Variants in USO1 observed in about 807,000 individuals in gnomAD.
USO1 encodes general vesicular transport factor p115.
A neutral mutation model predicts 124.5 loss-of-function variants in USO1; 57 were observed. The ratio of observed to expected loss-of-function variants is 0.46; its 90% CI spans 0.37 to 0.57. The LOEUF is 0.57. USO1 is among the 20% of genes least tolerant of loss of function. The pLI is 0.00. For synonymous variants in USO1, 369 were observed against 362.8 expected (o/e 1.02, Z -0.19); for missense variants, 900 against 1,040.6 (o/e 0.86, Z 1.86).
chr4:75,801,090 A>G lies in USO1; in HGVS notation c.1876A>G (p.Lys626Glu). The change falls in exon 17 of 24, where the codon AAG becomes GAG. Residue 626 changes from lysine (K) to glutamate (E), a missense_variant. Lys to Glu is a moderately conservative substitution (Grantham distance 56). This residue lies in a region of USO1 where 538 missense variants were observed against 681.6 expected (regional missense o/e 0.79). Transcript: ENST00000514213. ...GCTTCCTTTTATAGGTGTTATAACT[A>G]AGGCTATTTATAAGTCCAGTGAAGA... ...LVKELEGVIT[K>E]AIYKSSEEDK... is the part of the protein sequence containing the mutation. 1 of 1,572,694 alleles carries G rather than the reference A, an allele frequency of 6.4e-7. No individual in the cohort carries two copies.
intron 1 of USO1, among the ~76,000 whole-genome samples, chr4:75,728,598 G>T (rs1209792010): frequency 6.6e-6 from 1 of 152,264 alleles, no homozygotes; most frequent in African/African-American, 2.4e-5. Context: ...ACCACTGAGT[G>T]GTTAAGATTG....
At chr4:75,740,577 G>A (rs921154578) in intron 1 of USO1, among the ~76,000 whole-genome samples, 9 of 152,188 alleles carry the variant, frequency 5.9e-5, no homozygotes, top group Non-Finnish European at 1.3e-4. Flanking sequence ...ATGAGCTACT[G>A]CGCCTGGCCT....
At chr4:75,805,067 T>G in intron 18 of USO1, 73 bp from the exon 19 acceptor site, 1 of 1,471,842 alleles carries the variant, frequency 6.8e-7, no homozygotes. Context: ...AATTACATAT[T>G]TGAATCTTCT....
intron 1 of USO1, among the ~76,000 whole-genome samples, chr4:75,728,892 G>A (rs912805941): frequency 7.9e-5 from 12 of 151,688 alleles, no homozygotes; most frequent in Admixed American, 3.3e-4. Context: ...TCCCCCTCCC[G>A]GGTTCACGCC....
At chr4:75,730,453 CTT>C (rs1015669405) in intron 1 of USO1, among the ~76,000 whole-genome samples, 1 of 151,012 alleles carries the variant, frequency 6.6e-6, no homozygotes, top group African/African-American at 2.4e-5. Context: ...CTGACCAGAC[CTT>C]TTTTTTTCCT....
rs759237623 is a variant in USO1, at chr4:75,734,166, G to C, written c.66+9281G>C. Reference sequence around the variant, plus strand: ...TCACCATGTTGGCCAGGATGGTCTCGATCTCCTGACCTCGTGATCCTCCCA... The same window carrying C: ...TCACCATGTTGGCCAGGATGGTCTCCATCTCCTGACCTCGTGATCCTCCCA... On this transcript the variant is annotated intron_variant, in intron 1 of 23. Transcript: ENST00000514213. Among the ~76,000 whole-genome samples the C allele has an allele frequency of 5.9e-5, 9 of 152,068 alleles. No homozygotes were observed. The South Asian group carries it at 1.0e-3, about 18-fold the overall frequency.
chr4:75,751,550 G>A (rs1381597556), intron 1 of USO1, among the ~76,000 whole-genome samples: 2 of 147,784 alleles, frequency 1.4e-5, no homozygotes, highest in African/African-American at 4.9e-5. Flanking sequence ...TTTGGTTTTG[G>A]CCGGGCGCAG....
chr4:75,758,223 T>C (rs951012538), intron 4 of USO1, among the ~76,000 whole-genome samples: 2 of 152,226 alleles, frequency 1.3e-5, no homozygotes, highest in Non-Finnish European at 2.9e-5. Context: ...TTTTGTTCTA[T>C]ATGTTGCAAA....
intron 1 of USO1, chr4:75,744,958 A>G (rs937122481): frequency 2.0e-6 from 1 of 494,548 alleles, no homozygotes; most frequent in South Asian, 1.5e-5. Flanking sequence ...TGACTGTTCC[A>G]GATGTCTTAT....
chr4:75,814,250 G>A lies in USO1; in HGVS notation c.*955G>A, dbSNP rs1330799144. The A allele has an allele frequency of 6.6e-6, 1 of 152,122 alleles. No homozygotes were observed. The highest frequency in any genetic ancestry group is 1.5e-5 in the Non-Finnish European group (1 of 68,002). 9.4% of individuals were successfully genotyped at this position (152,122 alleles called of 1,614,324 possible). ...GGTTCCCTTTGTTTACATCTTAAAA[G>A]TATTTTATTCTTAATAAAAGATGAG... On this transcript the variant is annotated 3_prime_UTR_variant, in exon 24 of 24. Transcript: ENST00000514213.
chr4:75,774,093 C>G (rs1225839579), intron 7 of USO1, among the ~76,000 whole-genome samples: 2 of 152,012 alleles, frequency 1.3e-5, no homozygotes, highest in Non-Finnish European at 2.9e-5. Flanking sequence ...CTGAGAAAAA[C>G]TGGAAGTCAG....
At chr4:75,771,243 G>T in intron 7 of USO1, 106 bp downstream of exon 7, 1 of 1,277,666 alleles carries the variant, frequency 7.8e-7, no homozygotes, top group East Asian at 2.6e-5. Context: ...GAAAGCTGGA[G>T]TAATGACCTT....
chr4:75,774,064 G>A (rs1383862233), intron 7 of USO1, among the ~76,000 whole-genome samples: 1 of 152,120 alleles, frequency 6.6e-6, no homozygotes, highest in East Asian at 1.9e-4. Context: ...TATATAAACT[G>A]TATCCAGCTT....
chr4:75,798,914 G>A (rs1722765101), intron 13 of USO1, among the ~76,000 whole-genome samples: 1 of 152,020 alleles, frequency 6.6e-6, no homozygotes, highest in Non-Finnish European at 1.5e-5. Context: ...ATTCTACCTA[G>A]GAGATGTAAA....
chr4:75,787,349 A>G lies in USO1; in HGVS notation c.996+147A>G, dbSNP rs574805459. Reference sequence around the variant, plus strand: ...ATGATCTTACTAAAATATAATTCACATAATGATAAAAGTATTGATTCCAAA... The same window carrying G: ...ATGATCTTACTAAAATATAATTCACGTAATGATAAAAGTATTGATTCCAAA... On this transcript the variant is annotated intron_variant, in intron 10 of 23. Transcript: ENST00000514213. 42 of 1,133,330 alleles carry G rather than the reference A, an allele frequency of 3.7e-5. No homozygotes were observed. In the African/African-American group the frequency reaches 4.7e-4, roughly 13 times the overall value. The allele number at this position is 1,133,330 out of a possible 1,614,324, so 70.2% of individuals were successfully genotyped here. A position where few individuals can be genotyped will look rare whatever the true frequency, so the allele number is the denominator to read the frequency against.
chr4:75,790,911 G>GA (rs371799085), intron 12 of USO1, 114 bp downstream of exon 12: 229,049 of 861,038 alleles, frequency 0.27, 2,458 homozygotes, highest in Middle Eastern at 0.3. Flanking sequence ...GCTTAGGAGA[G>GA]AAAAAAAAAA....
chr4:75,725,138 G>T (rs1434294512), intron 1 of USO1, among the ~76,000 whole-genome samples: 1 of 152,216 alleles, frequency 6.6e-6, no homozygotes, highest in African/African-American at 2.4e-5. Context: ...CCTGAAGCTC[G>T]GGCTAGGAGA....
chr4:75,731,918 T>G (rs1372004001), intron 1 of USO1, among the ~76,000 whole-genome samples: 1 of 152,252 alleles, frequency 6.6e-6, no homozygotes, highest in Admixed American at 6.5e-5. Context: ...TTAATTTTTT[T>G]GCTTTTATAT....
intron 1 of USO1, among the ~76,000 whole-genome samples, chr4:75,750,852 G>A (rs1023616417): frequency 5.3e-5 from 8 of 152,128 alleles, no homozygotes; most frequent in African/African-American, 7.2e-5. Context: ...GGATTTTCTC[G>A]TATGCTTTCT....
Sources: allele counts gnomAD v4.1 joint callset (sites outside exome capture counted in the v4.1 genomes callset), GRCh38; gene constraint gnomAD v4.1.1; regional missense constraint gnomAD v4.1.1; transcripts MANE v1.5; gene names NCBI Gene and HGNC (gene_info 2026-07-23, HGNC 2026-07-21).